Variants in XPO7 observed in about 807,000 individuals in gnomAD.
The protein encoded by XPO7 is exportin 7, also known as exportin-7.
In XPO7, 21 loss-of-function variants were observed where a neutral mutation model predicts 144.3. The observed-to-expected ratio is 0.15, with a 90% confidence interval of 0.10 to 0.21. The LOEUF is 0.21. Among genes scored for constraint, XPO7 ranks in the 10% least tolerant of loss-of-function variants. The probability of loss-of-function intolerance (pLI) is 1.00; values close to 1 mark genes in which losing one functional copy is unlikely to be tolerated. For missense variants in XPO7, 808 were observed against 1,325.8 expected, an observed-to-expected ratio of 0.61 and a Z score of 6.06; for synonymous variants, 580 against 499.6, an observed-to-expected ratio of 1.16 and a Z score of -2.15.
At chr8:21,924,323 G>A (rs1260214588) in intron 1 of XPO7, among the ~76,000 whole-genome samples, 3 of 151,948 alleles carry the variant, frequency 2.0e-5, no homozygotes, top group African/African-American at 7.3e-5. Flanking sequence ...GAAATCATAT[G>A]TGTTCAGCTT....
chr8:21,956,666 A>G (rs1811545234), intron 1 of XPO7, among the ~76,000 whole-genome samples: 1 of 149,924 alleles, frequency 6.7e-6, no homozygotes, highest in Non-Finnish European at 1.5e-5. Context: ...CCACCTTTCA[A>G]TAGAATATTT....
rs1340091386 is a variant in XPO7 at position 22,002,096 on chromosome 8, CCTTT to C, written c.2783-8_2783-5del. The C allele has an allele frequency of 1.2e-6, 2 of 1,600,090 alleles. No homozygotes were observed. Among genetic ancestry groups the C allele is most frequent in the South Asian group, 1.1e-5 (1 of 88,556 alleles). On this transcript the variant is annotated splice_polypyrimidine_tract_variant and intron_variant, in intron 24 of 27. Transcript: ENST00000252512. ...CATCAGCAGCTCTGTCCTACCCCTG[CCTTT>C]CTTTCTTGCAGACACCATGGTATGC...
intron 1 of XPO7, among the ~76,000 whole-genome samples, chr8:21,934,404 A>G (rs1170444881): frequency 6.6e-6 from 1 of 152,106 alleles, no homozygotes; most frequent in African/African-American, 2.4e-5. Flanking sequence ...GTGGTGGCGC[A>G]TGCCTGTAAT....
At chr8:21,982,558 T>A in intron 10 of XPO7, 82 bp from the exon 11 acceptor site, 5 of 1,445,556 alleles carry the variant, frequency 3.5e-6, no homozygotes, top group Admixed American at 2.6e-5. Context: ...AAGAAAAAAG[T>A]CTTTATCTTC....
intron 7 of XPO7, 73 bp from the exon 8 acceptor site, chr8:21,977,697 A>G (rs1045891976): frequency 1.3e-5 from 18 of 1,380,294 alleles, no homozygotes; most frequent in Non-Finnish European, 1.7e-5. Context: ...TCCCTGATGT[A>G]TAGTGCTGGA....
rs1812645585 is a variant in XPO7 at position 21,988,236 on chromosome 8, C to T, written c.1787+379C>T. 1.5e-5 allele frequency: 3 copies of T among 196,842 alleles called. No homozygotes were observed. In the South Asian group the frequency reaches 2.9e-4, roughly 19 times the overall value. 12.2% of individuals were successfully genotyped at this position (196,842 alleles called of 1,614,324 possible). A position where few individuals can be genotyped will look rare whatever the true frequency, so the allele number is the denominator to read the frequency against. The stretch of plus-strand genomic sequence containing the variant: ...TCACTTTCTGTTGCTGATTTCCTCT[C>T]GTTATCCCCTCGAAGGGGAAAGCCC... On this transcript the variant is annotated intron_variant, in intron 15 of 27. Transcript: ENST00000252512.
intron 1 of XPO7, among the ~76,000 whole-genome samples, chr8:21,926,732 A>G (rs1340699178): frequency 6.6e-6 from 1 of 152,208 alleles, no homozygotes; most frequent in African/African-American, 2.4e-5. Flanking sequence ...TCACATATCA[A>G]TACATCTGTT....
intron 1 of XPO7, among the ~76,000 whole-genome samples, chr8:21,953,989 A>G (rs1422856360): frequency 6.6e-6 from 1 of 152,220 alleles, no homozygotes; most frequent in East Asian, 1.9e-4. Context: ...CTGTTTGTAA[A>G]TGAAATTTCT....
chr8:21,944,176 G>A (rs1811081819), intron 1 of XPO7, among the ~76,000 whole-genome samples: 1 of 152,172 alleles, frequency 6.6e-6, no homozygotes, highest in African/African-American at 2.4e-5. Flanking sequence ...CCAGGACTCT[G>A]ACCATGAGCT....
chr8:21,965,041 C>G (rs192592258), intron 1 of XPO7, among the ~76,000 whole-genome samples: 1 of 152,294 alleles, frequency 6.6e-6, no homozygotes, highest in Non-Finnish European at 1.5e-5. Flanking sequence ...CTGCTGCTCC[C>G]CAATACCTGA....
At chr8:21,953,086 G>C (rs1811425476) in intron 1 of XPO7, among the ~76,000 whole-genome samples, 1 of 136,146 alleles carries the variant, frequency 7.3e-6, no homozygotes, top group Non-Finnish European at 1.5e-5. Flanking sequence ...AACAATTGAT[G>C]GGCCAGTATT....
At chr8:21,935,767 T>C (rs1490864053) in intron 1 of XPO7, among the ~76,000 whole-genome samples, 1 of 152,092 alleles carries the variant, frequency 6.6e-6, no homozygotes, top group Admixed American at 6.5e-5. Flanking sequence ...GGCTTCCTAC[T>C]AATTAAATCC....
Position 21,988,987 on chromosome 8 carries a change from T to G in XPO7, c.1788-16T>G. 1 of 1,609,870 alleles carries G rather than the reference T, an allele frequency of 6.2e-7. No individual in the cohort carries two copies. The highest frequency in any genetic ancestry group is 8.5e-7 in the Non-Finnish European group (1 of 1,178,792). On this transcript the variant is annotated splice_polypyrimidine_tract_variant and intron_variant, in intron 15 of 27. Transcript: ENST00000252512. ...CAAAAGGGTCTCCTGCTTTTTTTTT[T>G]CTTTTTGTCCTCCAGCATCACCAAC...
intron 1 of XPO7, among the ~76,000 whole-genome samples, chr8:21,944,442 C>G (rs964359198): frequency 2.6e-5 from 4 of 152,100 alleles, no homozygotes; most frequent in Non-Finnish European, 5.9e-5. Context: ...TGGTGCACAT[C>G]TGTAATCCCA....
At chr8:21,994,493 A>G in intron 20 of XPO7, 42 bp downstream of exon 20, 1 of 1,556,138 alleles carries the variant, frequency 6.4e-7, no homozygotes, top group Non-Finnish European at 8.8e-7. Flanking sequence ...GCCTGCCTTA[A>G]CTGGAGTGTG....
chr8:21,996,475 C>T (rs750988911), intron 21 of XPO7, among the ~76,000 whole-genome samples: 2 of 152,144 alleles, frequency 1.3e-5, no homozygotes, highest in Non-Finnish European at 2.9e-5. Context: ...AATTTGGCAA[C>T]CAAGATTCTG....
chr8:21,955,270 G>T (rs1215771065), intron 1 of XPO7, among the ~76,000 whole-genome samples: 1 of 152,196 alleles, frequency 6.6e-6, no homozygotes, highest in Non-Finnish European at 1.5e-5. Context: ...AGGAGTGAAG[G>T]TGGCAAAAGC....
At chr8:21,929,338 A>C (rs1431331847) in intron 1 of XPO7, among the ~76,000 whole-genome samples, 4 of 152,236 alleles carry the variant, frequency 2.6e-5, no homozygotes, top group African/African-American at 9.6e-5. Flanking sequence ...ATGTGTGTGA[A>C]TGCAAATGGA....
At chr8:21,995,723 A>T in intron 21 of XPO7, 124 bp downstream of exon 21, 1 of 681,732 alleles carries the variant, frequency 1.5e-6, no homozygotes, top group South Asian at 3.1e-5. Flanking sequence ...TAAAATTCGA[A>T]AAGTTTTTGT....
Sources: allele counts gnomAD v4.1 joint callset (sites outside exome capture counted in the v4.1 genomes callset), GRCh38; gene constraint gnomAD v4.1.1; transcripts MANE v1.5; gene names NCBI Gene and HGNC (gene_info 2026-07-23, HGNC 2026-07-21).